Variants in CAMKK2 observed in about 807,000 individuals in gnomAD.
CAMKK2 encodes the protein calcium/calmodulin dependent protein kinase kinase 2.
A neutral mutation model predicts 67.2 loss-of-function variants in CAMKK2; 30 were observed. That is an observed-to-expected ratio of 0.45 (90% confidence interval 0.33 to 0.61). The LOEUF is 0.61. Ranked by LOEUF, CAMKK2 falls within the 20% of genes least tolerant of loss-of-function variation. CAMKK2 has a pLI of 0.02. For synonymous variants in CAMKK2, 322 were observed against 326.2 expected, an observed-to-expected ratio of 0.99 and a Z score of 0.14; for missense variants, 643 against 802.0, an observed-to-expected ratio of 0.80 and a Z score of 2.39.
At chr12:121,262,239 G>A (rs961028536) in intron 6 of CAMKK2, among the ~76,000 whole-genome samples, 2 of 152,142 alleles carry the variant, frequency 1.3e-5, no homozygotes, top group African/African-American at 4.8e-5. Context: ...TCGGCCGGGT[G>A]CAGTGGCTCA....
intron 4 of CAMKK2, 130 bp from the exon 5 acceptor site, chr12:121,268,819 C>T: frequency 3.8e-6 from 3 of 797,332 alleles, no homozygotes; most frequent in Middle Eastern, 7.0e-4. Context: ...CTGGCAGGCT[C>T]AGGTCAACAG....
chr12:121,274,193 C>G lies in CAMKK2; in HGVS notation c.334G>C (p.Gly112Arg). 1 of 1,601,008 alleles carries G rather than the reference C, an allele frequency of 6.2e-7. No homozygotes were observed. Among genetic ancestry groups the G allele is most frequent in the South Asian group, 1.1e-5 (1 of 90,128 alleles). The change falls in exon 2 of 17, where the codon GGT becomes CGT. Residue 112 changes from glycine to arginine, a missense_variant. Transcript: ENST00000404169. ...QERSQGGLAA[G>R]GSLDMNGRCI... ...CGTCCGTTCATGTCCAGGCTGCCAC[C>G]GGCTGCCAGCCCACCCTGGGACCGC...
chr12:121,240,518 CAAGT>C lies in CAMKK2; in HGVS notation c.*177_*180del. 1 of 1,516,728 alleles carries C rather than the reference CAAGT, an allele frequency of 6.6e-7. No individual in the cohort carries two copies. The highest frequency in any genetic ancestry group is 1.4e-5 in the African/African-American group (1 of 69,412). The allele number at this position is 1,516,728 out of a possible 1,614,324, so 94.0% of individuals were successfully genotyped here. A position where few individuals can be genotyped will look rare whatever the true frequency, so the allele number is the denominator to read the frequency against. Reference sequence around the variant, plus strand: ...GCGGCCACGGTCGACGTCATGGAGTCAAGTCCTTTTTTTTTTTTTGTCCCCTTTA... The same window carrying C: ...GCGGCCACGGTCGACGTCATGGAGTCCCTTTTTTTTTTTTTGTCCCCTTTA... On this transcript the variant is annotated 3_prime_UTR_variant, in exon 17 of 17. Transcript: ENST00000404169. The surrounding 1 kb of genome is among the most constrained non-coding windows in gnomAD (Gnocchi z 4.4).
chr12:121,291,663 G>A (rs1335806354), intron 1 of CAMKK2, among the ~76,000 whole-genome samples: 1 of 152,182 alleles, frequency 6.6e-6, no homozygotes, highest in Non-Finnish European at 1.5e-5. Flanking sequence ...TGGGTACAAG[G>A]TTTCCTCTGG....
At chr12:121,281,002 C>T (rs1897674335) in intron 1 of CAMKK2, among the ~76,000 whole-genome samples, 1 of 152,218 alleles carries the variant, frequency 6.6e-6, no homozygotes, top group Non-Finnish European at 1.5e-5. Flanking sequence ...ACACTCCCTC[C>T]CCTTTTGAAA....
rs1053456309 is a variant in CAMKK2 at position 121,285,819 on chromosome 12, A to G, written c.-60+10819T>C. On this transcript the variant is annotated intron_variant, in intron 1 of 16. Coordinates refer to ENST00000404169, the MANE Select transcript of CAMKK2 (RefSeq NM_001270485.2). This position sits in a 1 kb window ranked among gnomAD's most constrained non-coding sequence, Gnocchi z 4.1. ...AGAGCGAGACCCTGTCTCAAAAAAG[A>G]GAGTAGATGTGTGACCCAAGTCAGT... Among the ~76,000 whole-genome samples, 3 of 152,052 alleles carry G rather than the reference A, an allele frequency of 2.0e-5. No individual in the cohort carries two copies. Among genetic ancestry groups the G allele is most frequent in the African/African-American group, 7.2e-5 (3 of 41,418 alleles).
rs201800186 is a variant in CAMKK2, at chr12:121,253,493, G to A, written c.908-21C>T. On this transcript the variant is annotated intron_variant, in intron 9 of 16. Transcript: ENST00000404169. This position sits in a 1 kb window ranked among gnomAD's most constrained non-coding sequence, Gnocchi z 5.0. ...GTGTACTGGGGAGGCGTAGACAGCA[G>A]GTGGGAGATAGGGGCAGGAAAACCT... 4 of 1,610,630 alleles carry A rather than the reference G, an allele frequency of 2.5e-6. No individual in the cohort carries two copies. The Admixed American group carries it at 6.7e-5, about 27-fold the overall frequency.
At chr12:121,242,008 C>T (rs1408286725) in intron 16 of CAMKK2, among the ~76,000 whole-genome samples, 2 of 152,202 alleles carry the variant, frequency 1.3e-5, no homozygotes, top group Non-Finnish European at 2.9e-5. Context: ...GGGCCAGTCT[C>T]CATCTGCTGG....
intron 1 of CAMKK2, among the ~76,000 whole-genome samples, chr12:121,287,750 G>A (rs909573176): frequency 1.6e-4 from 24 of 152,156 alleles, no homozygotes; most frequent in African/African-American, 3.9e-4. Flanking sequence ...CAGGAAGATC[G>A]CTTGAGGCCA....
Position 121,240,824 on chromosome 12 carries a change from G to T in CAMKK2, c.1642C>A (p.Arg548Ser), listed in dbSNP as rs377581001. ...RQPPGHRPAP[R>S]GGGGSALVRG... is the part of the protein sequence containing the mutation. ...ACAAGAGCACTTCCTCCTCCCCCACGGGGGGCGGGTCGGTGCCCTGGAGGT... is the reference window on the plus strand; with the variant it reads ...ACAAGAGCACTTCCTCCTCCCCCACTGGGGGCGGGTCGGTGCCCTGGAGGT... The change falls in exon 17 of 17, where the codon CGT (arginine) becomes AGT (serine). Residue 548 changes from arginine (R) to serine (S), a missense_variant. Arg to Ser is a moderately radical substitution (Grantham distance 110, BLOSUM62 -1). Around this residue, in one of 3 missense-constraint regions of CAMKK2, gnomAD observed 140 missense variants for 124.2 expected, o/e 1.13. Coordinates refer to ENST00000404169, the MANE Select transcript of CAMKK2 (RefSeq NM_001270485.2). This position sits in a 1 kb window ranked among gnomAD's most constrained non-coding sequence, Gnocchi z 4.4. 6 of 1,611,210 alleles carry T rather than the reference G, an allele frequency of 3.7e-6. No individual in the cohort carries two copies. In the African/African-American group the frequency reaches 8.0e-5, roughly 22 times the overall value.
chr12:121,289,320 T>C (rs1593512643), intron 1 of CAMKK2, among the ~76,000 whole-genome samples: 1 of 151,844 alleles, frequency 6.6e-6, no homozygotes, highest in Non-Finnish European at 1.5e-5. Context: ...GCTAAAATAA[T>C]CCCTTTCCCA....
At position 121,237,992 on chromosome 12, in the gene CAMKK2, A is replaced by C. The variant is rs1295923035; in HGVS notation, c.*2707T>G. 1 of 152,608 alleles carries C rather than the reference A, an allele frequency of 6.6e-6. No homozygotes were observed. The highest frequency in any genetic ancestry group is 1.9e-4 in the East Asian group (1 of 5,186). 9.5% of individuals were successfully genotyped at this position (152,608 alleles called of 1,614,324 possible). A position where few individuals can be genotyped will look rare whatever the true frequency, so the allele number is the denominator to read the frequency against. ...AAACTTCCCTAGCACCTTGGAAGCA[A>C]GTGGAGGTCATGGTTCTTCCACTCG... is the stretch of plus-strand genomic sequence containing the variant. On this transcript the variant is annotated 3_prime_UTR_variant, in exon 17 of 17. Transcript: ENST00000404169. The surrounding 1 kb of genome is among the most constrained non-coding windows in gnomAD (Gnocchi z 4.5).
intron 11 of CAMKK2, 36 bp downstream of exon 11, chr12:121,252,625 A>C: frequency 6.3e-7 from 1 of 1,595,606 alleles, no homozygotes; most frequent in Non-Finnish European, 8.6e-7. Context: ...GGGGCCACCC[A>C]GCAGTACTGA....
intron 9 of CAMKK2, among the ~76,000 whole-genome samples, chr12:121,255,252 A>T (rs1235573909): frequency 2.1e-5 from 1 of 47,260 alleles, no homozygotes; most frequent in Non-Finnish European, 3.9e-5. Context: ...ATATATAATT[A>T]TATATATAAT....
chr12:121,268,944 G>T (rs1270750978), intron 4 of CAMKK2, among the ~76,000 whole-genome samples: 1 of 152,114 alleles, frequency 6.6e-6, no homozygotes, highest in Non-Finnish European at 1.5e-5. Flanking sequence ...GCCTCTCTCA[G>T]CTGGGAAACC....
intron 1 of CAMKK2, among the ~76,000 whole-genome samples, chr12:121,282,289 G>T (rs1897940199): frequency 1.3e-5 from 2 of 152,086 alleles, no homozygotes; most frequent in South Asian, 4.2e-4. Context: ...CAGCTTTGTG[G>T]GAAGTGGATG....
Position 121,253,169 on chromosome 12 carries a change from G to T in CAMKK2, c.1107+104C>A. On this transcript the variant is annotated intron_variant, in intron 10 of 16. Transcript: ENST00000404169. This position sits in a 1 kb window ranked among gnomAD's most constrained non-coding sequence, Gnocchi z 5.0. Reference sequence around the variant, plus strand: ...GCCTACCCCTCAGTATCTTGATCCAGGGGATTCACTGTTTAAGCCTGTGTG... The same window carrying T: ...GCCTACCCCTCAGTATCTTGATCCATGGGATTCACTGTTTAAGCCTGTGTG... The T allele has an allele frequency of 1.0e-6, 1 of 971,588 alleles. No individual in the cohort carries two copies. The allele number at this position is 971,588 out of a possible 1,614,324, so 60.2% of individuals were successfully genotyped here. A position where few individuals can be genotyped will look rare whatever the true frequency, so the allele number is the denominator to read the frequency against.
intron 1 of CAMKK2, among the ~76,000 whole-genome samples, chr12:121,282,605 G>C (rs556792441): frequency 5.9e-5 from 9 of 152,088 alleles, no homozygotes; most frequent in Non-Finnish European, 1.3e-4. Context: ...AGGCCAAGGA[G>C]CATCAGAGAT....
intron 16 of CAMKK2, 144 bp from the exon 17 acceptor site, chr12:121,241,013 G>T (rs1283004494): frequency 1.2e-5 from 9 of 752,516 alleles, no homozygotes; most frequent in South Asian, 1.8e-5. Context: ...CAGTCTTTGA[G>T]ATCCTCTCCC....
Sources: gnomAD v4.1 joint callset for allele counts (sites outside exome capture counted in the v4.1 genomes callset) on GRCh38, gnomAD v4.1.1 for gene constraint, gnomAD v4.1.1 regional missense constraint, Gnocchi (gnomAD v3.1) non-coding constraint, MANE v1.5 for transcripts, NCBI Gene and HGNC (gene_info 2026-07-23, HGNC 2026-07-21) for gene names.